The following ELAVL2 variants were observed in gnomAD, a reference collection of about 807,000 sequenced individuals.
The protein encoded by ELAVL2 is ELAV-like protein 2.
ELAVL2 carries 4 observed loss-of-function variants against 34.6 expected under a neutral mutation model. That is an observed-to-expected ratio of 0.12 (90% CI 0.06 to 0.26). The LOEUF is 0.26. Among genes scored for constraint, ELAVL2 ranks in the 10% least tolerant of loss-of-function variants. The pLI is 1.00. For synonymous variants in ELAVL2, 193 were observed against 154.8 expected, an observed-to-expected ratio of 1.25 and a Z score of -1.83; for missense variants, 432 against 442.8, an observed-to-expected ratio of 0.98 and a Z score of 0.22.
rs2061272804 is a variant in ELAVL2 at position 23,798,892 on chromosome 9, T to A, written c.-16+26914A>T. Among the ~76,000 whole-genome samples, 3 of 152,220 alleles carry A rather than the reference T, an allele frequency of 2.0e-5. No homozygotes were observed. In the South Asian group the frequency reaches 6.2e-4, roughly 31 times the overall value. On this transcript the variant is annotated intron_variant, in intron 1 of 6. Coordinates refer to ENST00000397312, the MANE Select transcript of ELAVL2 (RefSeq NM_004432.5). ...ATCAAATCTGCCACCATCTGTTTTT[T>A]ATAGATAGATATAATTACAACCTAA...
chr9:23,771,527 A>T (rs1451193217), intron 1 of ELAVL2, among the ~76,000 whole-genome samples: 1 of 152,130 alleles, frequency 6.6e-6, no homozygotes. Context: ...GATATTCACT[A>T]TTCACTTTAT....
At chr9:23,762,429 A>G (rs1466016099) in intron 1 of ELAVL2, among the ~76,000 whole-genome samples, 180 bp from the exon 2 acceptor site, 1 of 152,106 alleles carries the variant, frequency 6.6e-6, no homozygotes, top group Non-Finnish European at 1.5e-5. Flanking sequence ...TATTCATCTT[A>G]AGGTTACAAC....
chr9:23,694,445 G>T (rs1366057624), intron 5 of ELAVL2, among the ~76,000 whole-genome samples: 3 of 152,082 alleles, frequency 2.0e-5, no homozygotes, highest in Non-Finnish European at 4.4e-5. Flanking sequence ...TATGTGTTCT[G>T]AGGAGGAGGC....
In ELAVL2 at chr9:23,692,461, C is replaced by G. The variant is rs541241406; in HGVS notation, c.*96G>C. 1.3e-5 allele frequency: 17 copies of G among 1,307,734 alleles called. No individual in the cohort carries two copies. The highest frequency in any genetic ancestry group is 4.1e-6 in the Non-Finnish European group (4 of 966,630). The allele number at this position is 1,307,734 out of a possible 1,614,324, so 81.0% of individuals were successfully genotyped here. A position where few individuals can be genotyped will look rare whatever the true frequency, so the allele number is the denominator to read the frequency against. On this transcript the variant is annotated 3_prime_UTR_variant, in exon 7 of 7. Coordinates refer to ENST00000397312, the MANE Select transcript of ELAVL2 (RefSeq NM_004432.5). Reference sequence around the variant, plus strand: ...TAGTCATTTTATCCCCATCTCAACACTGACTTACAAAGACATTTACTAATG... The same window carrying G: ...TAGTCATTTTATCCCCATCTCAACAGTGACTTACAAAGACATTTACTAATG...
chr9:23,759,540 A>G (rs1390542483), intron 2 of ELAVL2, among the ~76,000 whole-genome samples: 5 of 151,656 alleles, frequency 3.3e-5, no homozygotes, highest in Non-Finnish European at 7.4e-5. Context: ...CCAAATAGCT[A>G]GAAGAGAGGA....
chr9:23,743,976 C>T lies in ELAVL2; in HGVS notation c.230-12851G>A, dbSNP rs76244869. 3.7e-3 allele frequency among the ~76,000 whole-genome samples: 563 copies of T among 152,294 alleles called. 16 individuals are homozygous for T. The East Asian group carries it at 0.066, about 18-fold the overall frequency. On this transcript the variant is annotated intron_variant, in intron 2 of 6. Coordinates refer to ENST00000397312, the MANE Select transcript of ELAVL2 (RefSeq NM_004432.5). The stretch of plus-strand genomic sequence containing the variant: ...CAGAGCTTCTCAGCTATTTGGGCCA[C>T]ATTACATGCCCACTTGGCAAACACA...
At chr9:23,723,188 T>C (rs1030862009) in intron 3 of ELAVL2, among the ~76,000 whole-genome samples, 2 of 152,140 alleles carry the variant, frequency 1.3e-5, no homozygotes, top group African/African-American at 2.4e-5. Context: ...CCAACAATGA[T>C]AGACTGGATT....
intron 1 of ELAVL2, among the ~76,000 whole-genome samples, chr9:23,808,056 C>T (rs570132119): frequency 4.6e-5 from 7 of 152,242 alleles, no homozygotes; most frequent in African/African-American, 1.4e-4. Context: ...AGCTCTAGGA[C>T]TCAAAGTTCA....
chr9:23,791,522 C>G (rs941621381), intron 1 of ELAVL2, among the ~76,000 whole-genome samples: 1 of 152,120 alleles, frequency 6.6e-6, no homozygotes, highest in Admixed American at 6.5e-5. Context: ...ACTACACAAC[C>G]ACTCTGTTTT....
At chr9:23,719,497 T>A (rs2043125791) in intron 3 of ELAVL2, among the ~76,000 whole-genome samples, 1 of 152,190 alleles carries the variant, frequency 6.6e-6, no homozygotes, top group Admixed American at 6.5e-5. Flanking sequence ...CTTGGTTTCT[T>A]ATTAATTCAT....
chr9:23,731,639 T>C (rs1170278674), intron 2 of ELAVL2, among the ~76,000 whole-genome samples: 1 of 152,104 alleles, frequency 6.6e-6, no homozygotes, highest in Non-Finnish European at 1.5e-5. Flanking sequence ...TGTGTGGGCG[T>C]GTATACATGT....
At chr9:23,810,560 T>C (rs549104472) in intron 1 of ELAVL2, among the ~76,000 whole-genome samples, 1 of 152,100 alleles carries the variant, frequency 6.6e-6, no homozygotes, top group African/African-American at 2.4e-5. Context: ...CAATACATTC[T>C]CAAACATGAA....
intron 1 of ELAVL2, among the ~76,000 whole-genome samples, chr9:23,786,802 A>AAAAAAAAAC (rs1554747169): frequency 7.9e-6 from 1 of 127,330 alleles, no homozygotes; most frequent in Admixed American, 8.1e-5. Context: ...AAAAAAAAAA[A>AAAAAAAAAC]AGAGAGAGAG....
intron 3 of ELAVL2, among the ~76,000 whole-genome samples, chr9:23,715,062 GT>G (rs1554675606): frequency 2.0e-5 from 3 of 152,156 alleles, no homozygotes; most frequent in Non-Finnish European, 4.4e-5. Flanking sequence ...TAGAGGGAGG[GT>G]TGAAACTAAG....
intron 5 of ELAVL2, among the ~76,000 whole-genome samples, chr9:23,696,345 G>C (rs1243510939): frequency 6.6e-6 from 1 of 152,140 alleles, no homozygotes; most frequent in Non-Finnish European, 1.5e-5. Flanking sequence ...AGTAGCAGTT[G>C]GCAAACTGTA....
chr9:23,812,750 C>CA (rs569118079), intron 1 of ELAVL2, among the ~76,000 whole-genome samples: 23,581 of 134,910 alleles, frequency 0.17, 2,134 homozygotes, highest in Admixed American at 0.22. Context: ...CTCCAAATAT[C>CA]AAAAAAAAAA....
In ELAVL2 at chr9:23,825,565, C is replaced by G. The variant is rs532751436; in HGVS notation, c.-16+241G>C. The stretch of plus-strand genomic sequence containing the variant: ...ACCTCCCATTGTACCCCTACTCCCC[C>G]CTGGCCACATTTACCACTTAAGTTT... On this transcript the variant is annotated intron_variant, in intron 1 of 6. Transcript: ENST00000397312. 5.3e-5 allele frequency among the ~76,000 whole-genome samples: 8 copies of G among 152,302 alleles called. No individual in the cohort carries two copies. In the South Asian group the frequency reaches 1.7e-3, roughly 32 times the overall value.
intron 1 of ELAVL2, among the ~76,000 whole-genome samples, chr9:23,795,635 C>CA (rs1177321830): frequency 1.3e-5 from 2 of 152,058 alleles, no homozygotes; most frequent in Admixed American, 1.3e-4. Flanking sequence ...TAAAATGTCT[C>CA]AAAAAATAGG....
chr9:23,783,555 A>G, intron 1 of ELAVL2: 2 of 951,214 alleles, frequency 2.1e-6, no homozygotes, highest in Non-Finnish European at 2.5e-6. Flanking sequence ...AGTCACCACT[A>G]AAAGGACACA....
Sources: allele counts gnomAD v4.1 joint callset (sites outside exome capture counted in the v4.1 genomes callset), GRCh38; gene constraint gnomAD v4.1.1; transcripts MANE v1.5; gene names NCBI Gene and HGNC (gene_info 2026-07-23, HGNC 2026-07-21).